EYA1: variants seen among roughly 807,000 people sequenced by gnomAD.
EYA1 encodes the protein EYA transcriptional coactivator and phosphatase 1.
EYA1 carries 16 observed loss-of-function variants against 82.0 expected under a neutral mutation model. The observed-to-expected ratio is 0.20, with a 90% CI of 0.13 to 0.30. The LOEUF (loss-of-function observed/expected upper bound fraction) is 0.30. Ranked by LOEUF, EYA1 falls within the 10% of genes least tolerant of loss-of-function variation. The pLI, the probability that EYA1 is intolerant of heterozygous loss-of-function variation, is 1.00. For synonymous variants in EYA1, 261 were observed against 264.4 expected, an observed-to-expected ratio of 0.99 and a Z score of 0.12; for missense variants, 633 against 730.7, an observed-to-expected ratio of 0.87 and a Z score of 1.54.
chr8:71,244,798 A>T lies in EYA1; in HGVS notation c.1051-106T>A. The T allele has an allele frequency of 4.3e-6, 3 of 695,726 alleles. No individual in the cohort carries two copies. In the South Asian group the frequency reaches 5.0e-5, roughly 12 times the overall value. The allele number at this position is 695,726 out of a possible 1,614,324, so 43.1% of individuals were successfully genotyped here. ...CATTGGGAGAGGCTGAAAGCAAGAGACACAGAGAGAGACTTGGGCAACAGC... is the reference window on the plus strand; with the variant it reads ...CATTGGGAGAGGCTGAAAGCAAGAGTCACAGAGAGAGACTTGGGCAACAGC... On this transcript the variant is annotated intron_variant, in intron 11 of 17. Coordinates refer to ENST00000340726, the MANE Select transcript of EYA1 (RefSeq NM_000503.6).
chr8:71,348,853 T>C (rs369135457), intron 3 of EYA1, among the ~76,000 whole-genome samples: 23 of 152,322 alleles, frequency 1.5e-4, no homozygotes, highest in Middle Eastern at 3.4e-3. Flanking sequence ...GCTTGGCTGG[T>C]ATAATTTAGT....
intron 2 of EYA1, among the ~76,000 whole-genome samples, chr8:71,525,262 A>G (rs959110808): frequency 6.6e-6 from 1 of 152,186 alleles, no homozygotes; most frequent in African/African-American, 2.4e-5. Flanking sequence ...AAGTTCAGTT[A>G]CTGTTTTATT....
chr8:71,530,375 C>T (rs1299774025), intron 2 of EYA1, among the ~76,000 whole-genome samples: 1 of 152,166 alleles, frequency 6.6e-6, no homozygotes, highest in Non-Finnish European at 1.5e-5. Context: ...TAGAACTGTG[C>T]AACAATGAAT....
intron 2 of EYA1, among the ~76,000 whole-genome samples, chr8:71,458,540 A>G (rs1334062552): frequency 1.3e-5 from 2 of 152,124 alleles, no homozygotes; most frequent in Non-Finnish European, 2.9e-5. Context: ...AAAGCCTACT[A>G]GGTATTACAT....
intron 12 of EYA1, among the ~76,000 whole-genome samples, chr8:71,230,614 C>G (rs1180062063): frequency 6.6e-6 from 1 of 152,178 alleles, no homozygotes; most frequent in East Asian, 1.9e-4. Flanking sequence ...GAACCCAGGT[C>G]TCTCCACCTC....
intron 2 of EYA1, among the ~76,000 whole-genome samples, chr8:71,431,145 A>G (rs11996342): frequency 0.27 from 41,005 of 151,978 alleles, 5,815 homozygotes; most frequent in Middle Eastern, 0.34. Context: ...TTTGAGTATA[A>G]TCATGTTCTC....
At position 71,221,061 on chromosome 8, in the gene EYA1, C is replaced by T. The variant is rs117852796; in HGVS notation, c.1141-4038G>A. Among the ~76,000 whole-genome samples the T allele has an allele frequency of 9.9e-3, 1,510 of 152,314 alleles. 12 individuals carry two copies. Among genetic ancestry groups the T allele is most frequent in the Admixed American group, 0.016 (242 of 15,308 alleles). On this transcript the variant is annotated intron_variant, in intron 12 of 17. Coordinates refer to ENST00000340726, the MANE Select transcript of EYA1 (RefSeq NM_000503.6). Reference sequence around the variant, plus strand: ...ACTTCCCTAGGATCCAAATGAACATCGTCCTACATTCTATTTAGCCAGAGA... The same window carrying T: ...ACTTCCCTAGGATCCAAATGAACATTGTCCTACATTCTATTTAGCCAGAGA...
chr8:71,239,089 A>C (rs1812175567), intron 12 of EYA1, among the ~76,000 whole-genome samples: 2 of 152,148 alleles, frequency 1.3e-5, no homozygotes, highest in South Asian at 2.1e-4. Flanking sequence ...AAAGATGACA[A>C]TCTTATAAGA....
chr8:71,376,181 T>C (rs1010432393), intron 2 of EYA1, among the ~76,000 whole-genome samples: 4 of 152,024 alleles, frequency 2.6e-5, no homozygotes, highest in Non-Finnish European at 4.4e-5. Flanking sequence ...AATGAAAAGG[T>C]AATATACTTG....
intron 4 of EYA1, among the ~76,000 whole-genome samples, chr8:71,332,266 C>T (rs1446077928): frequency 6.6e-6 from 1 of 152,104 alleles, no homozygotes; most frequent in East Asian, 1.9e-4. Flanking sequence ...AGCTTTAACT[C>T]CCTGTATACC....
chr8:71,222,079 T>A (rs1383059133), intron 12 of EYA1, among the ~76,000 whole-genome samples: 1 of 152,214 alleles, frequency 6.6e-6, no homozygotes, highest in African/African-American at 2.4e-5. Flanking sequence ...TTTTTCTTGT[T>A]CTAAAGCCTT....
At chr8:71,543,076 C>A (rs1467999552) in intron 1 of EYA1, among the ~76,000 whole-genome samples, 1 of 152,110 alleles carries the variant, frequency 6.6e-6, no homozygotes, top group Non-Finnish European at 1.5e-5. Context: ...GCTTTTGTTG[C>A]AATTGCTTTT....
intron 2 of EYA1, chr8:71,404,866 C>T (rs758176599): frequency 5.2e-5 from 7 of 135,768 alleles, no homozygotes; most frequent in Non-Finnish European, 7.5e-5. Flanking sequence ...TGCAGTGAGC[C>T]GAGATTGCGC....
intron 2 of EYA1, among the ~76,000 whole-genome samples, chr8:71,518,121 T>C (rs1282564559): frequency 6.6e-6 from 1 of 152,136 alleles, no homozygotes; most frequent in Non-Finnish European, 1.5e-5. Flanking sequence ...GCTCAATGCA[T>C]TGTACAATCA....
chr8:71,499,046 C>A (rs1811622595), intron 2 of EYA1, among the ~76,000 whole-genome samples: 1 of 152,200 alleles, frequency 6.6e-6, no homozygotes, highest in Non-Finnish European at 1.5e-5. Flanking sequence ...ATGGGCTGTC[C>A]TTCAAAGAAA....
upstream of EYA1, among the ~76,000 whole-genome samples, chr8:71,365,242 G>A (rs1034737872): frequency 3.3e-5 from 5 of 151,636 alleles, no homozygotes; most frequent in Non-Finnish European, 7.4e-5. Flanking sequence ...TTCCAATAAT[G>A]AAAATAAAAT....
In EYA1 at chr8:71,453,990, G is replaced by T. The variant is rs189675295; in HGVS notation, c.33+81754C>A. Among the ~76,000 whole-genome samples the T allele has an allele frequency of 3.2e-4, 48 of 152,236 alleles. No individual in the cohort carries two copies. In the East Asian group the frequency reaches 7.1e-3, roughly 23 times the overall value. ...CACAGACTGGCAAATTGGATAAAGAGTCGAGACCCATCAGTGTGCTGTATT... is the reference window on the plus strand; with the variant it reads ...CACAGACTGGCAAATTGGATAAAGATTCGAGACCCATCAGTGTGCTGTATT... On this transcript the variant is annotated intron_variant, in intron 2 of 18. Coordinates refer to the EYA1 transcript ENST00000643681.
chr8:71,225,770 A>G (rs1353780448), intron 12 of EYA1, among the ~76,000 whole-genome samples: 6 of 152,258 alleles, frequency 3.9e-5, no homozygotes, highest in African/African-American at 1.4e-4. Context: ...TATTTTCGAG[A>G]GGTGGCAATA....
chr8:71,268,276 C>G (rs571019276), intron 11 of EYA1, among the ~76,000 whole-genome samples: 1 of 152,170 alleles, frequency 6.6e-6, no homozygotes, highest in African/African-American at 2.4e-5. Context: ...TTTCAACACT[C>G]TTGTGTGAGT....
Sources: gnomAD v4.1 joint callset for allele counts (sites outside exome capture counted in the v4.1 genomes callset) on GRCh38, gnomAD v4.1.1 for gene constraint, MANE v1.5 for transcripts, NCBI Gene and HGNC (gene_info 2026-07-23, HGNC 2026-07-21) for gene names.